Variants in MAGI2 observed in about 807,000 individuals in gnomAD.
The protein encoded by MAGI2 is membrane-associated guanylate kinase, WW and PDZ domain-containing protein 2.
A neutral mutation model predicts 133.3 loss-of-function variants in MAGI2; 35 were observed. The ratio of observed to expected loss-of-function variants is 0.26; its 90% CI spans 0.20 to 0.35. The LOEUF (loss-of-function observed/expected upper bound fraction) is 0.35, where lower values mean the gene tolerates loss of function less well. Ranked by LOEUF, MAGI2 falls within the 10% of genes least tolerant of loss-of-function variation. The probability of loss-of-function intolerance (pLI) is 1.00; values close to 1 mark genes in which losing one functional copy is unlikely to be tolerated. For missense variants in MAGI2, 1,636 were observed against 1,863.4 expected (o/e 0.88, Z 2.25); for synonymous variants, 729 against 710.6 (o/e 1.03, Z -0.41).
In MAGI2 at chr7:78,074,944, G is replaced by A. The variant is rs147677959; in HGVS notation, c.3706+4003C>T. ...GCTCTCCTTAGAAAGGCCAGCTTTC[G>A]AGGTTGGCCATTGGCTGGTGCCTGG... On this transcript the variant is annotated intron_variant, in intron 21 of 21. Coordinates refer to ENST00000354212, the MANE Select transcript of MAGI2 (RefSeq NM_012301.4). Among the ~76,000 whole-genome samples the A allele has an allele frequency of 2.0e-5, 3 of 152,304 alleles. No individual in the cohort carries two copies. The East Asian group carries it at 5.8e-4, about 29-fold the overall frequency.
At chr7:78,748,937 C>G (rs527350953) in intron 2 of MAGI2, among the ~76,000 whole-genome samples, 29 of 152,104 alleles carry the variant, frequency 1.9e-4, no homozygotes, top group Non-Finnish European at 2.4e-4. Flanking sequence ...TGCTATTATT[C>G]AACACATATT....
At position 78,019,942 on chromosome 7, in the gene MAGI2, G is replaced by A. The variant is rs1405669608; in HGVS notation, c.3741C>T (p.Ala1247=). 6.2e-7 allele frequency: 1 copy of A among 1,608,576 alleles called. No individual in the cohort carries two copies. Among genetic ancestry groups the A allele is most frequent in the Non-Finnish European group, 8.5e-7 (1 of 1,177,998 alleles). The change falls in exon 22 of 22, where the codon GCC becomes GCT. Residue 1247 remains alanine, a synonymous_variant. Transcript: ENST00000354212. ...CGCCTACTTCCGGCAGACCTGGGGC[G>A]GCGGCAGCGGGAGAACTCCAGGGGG... ...EPAPWSSPAA[A]APGLPEVGVS...
intron 21 of MAGI2, among the ~76,000 whole-genome samples, chr7:78,049,681 A>G (rs1811816900): frequency 6.6e-6 from 1 of 152,198 alleles, no homozygotes; most frequent in African/African-American, 2.4e-5. Context: ...GGTGGGATCT[A>G]TGTGAACTTG....
chr7:78,509,866 T>G (rs891860305), intron 4 of MAGI2, among the ~76,000 whole-genome samples: 1 of 152,208 alleles, frequency 6.6e-6, no homozygotes, highest in African/African-American at 2.4e-5. Flanking sequence ...TCTTTTGAAA[T>G]GAGGGAAAAT....
chr7:78,489,628 T>A, intron 6 of MAGI2, 133 bp downstream of exon 6: 4 of 730,474 alleles, frequency 5.5e-6, no homozygotes, highest in Non-Finnish European at 9.5e-6. Context: ...CTCTCTCTTA[T>A]CTGAGCATTA....
intron 1 of MAGI2, among the ~76,000 whole-genome samples, chr7:79,087,295 T>C (rs796164364): frequency 1.7e-4 from 26 of 151,968 alleles, no homozygotes; most frequent in African/African-American, 5.8e-4. Context: ...AAATGGAAGG[T>C]TGCTTTCCTT....
intron 21 of MAGI2, among the ~76,000 whole-genome samples, chr7:78,057,986 T>C: frequency 7.6e-6 from 1 of 131,270 alleles, no homozygotes. Context: ...TGTATATATA[T>C]ATATATATAT....
chr7:78,455,243 C>T (rs372074616), intron 6 of MAGI2, among the ~76,000 whole-genome samples: 2 of 152,244 alleles, frequency 1.3e-5, no homozygotes, highest in African/African-American at 4.8e-5. Context: ...TTCTATAAAA[C>T]AGTCTATGAA....
chr7:78,525,087 T>A (rs1796837143), intron 3 of MAGI2, among the ~76,000 whole-genome samples: 1 of 152,188 alleles, frequency 6.6e-6, no homozygotes, highest in Non-Finnish European at 1.5e-5. Flanking sequence ...TATTACTAAT[T>A]ATACCTATTG....
chr7:78,800,208 A>G lies in MAGI2; in HGVS notation c.419-172969T>C, dbSNP rs1263129857. Among the ~76,000 whole-genome samples the G allele has an allele frequency of 5.3e-5, 8 of 152,288 alleles. No homozygotes were observed. In the East Asian group the frequency reaches 1.5e-3, roughly 29 times the overall value. On this transcript the variant is annotated intron_variant, in intron 2 of 21. Coordinates refer to ENST00000354212, the MANE Select transcript of MAGI2 (RefSeq NM_012301.4). Reference sequence around the variant, plus strand: ...AATCAGTTATTGAATTGGTCCAGGTAGACTAACTTTTATAACAAACAACCC... The same window carrying G: ...AATCAGTTATTGAATTGGTCCAGGTGGACTAACTTTTATAACAAACAACCC...
chr7:79,213,204 GTATTTTTCTGTA>G (rs1585215443), intron 1 of MAGI2, among the ~76,000 whole-genome samples: 16 of 129,692 alleles, frequency 1.2e-4, no homozygotes, highest in South Asian at 5.1e-4. Flanking sequence ...AGATTTTTCT[GTATTTTTCTGTA>G]TATATATATG....
chr7:79,324,403 C>G, intron 1 of MAGI2, among the ~76,000 whole-genome samples: 1 of 140,948 alleles, frequency 7.1e-6, no homozygotes, highest in African/African-American at 2.6e-5. Flanking sequence ...TATATATATA[C>G]ACACAACGTA....
At chr7:78,563,217 AGG>A (rs1469046607) in intron 3 of MAGI2, among the ~76,000 whole-genome samples, 1 of 152,164 alleles carries the variant, frequency 6.6e-6, no homozygotes, top group Non-Finnish European at 1.5e-5. Context: ...ACAACTGAAA[AGG>A]TTTTATAATT....
At chr7:79,451,250 C>G (rs1297976928) in intron 1 of MAGI2, among the ~76,000 whole-genome samples, 1 of 152,154 alleles carries the variant, frequency 6.6e-6, no homozygotes, top group African/African-American at 2.4e-5. Context: ...TCCAATTTAA[C>G]AACGCTTAAC....
chr7:79,088,528 C>A (rs1220808296), intron 1 of MAGI2, among the ~76,000 whole-genome samples: 1 of 152,016 alleles, frequency 6.6e-6, no homozygotes, highest in African/African-American at 2.4e-5. Flanking sequence ...TTGCCCTGGC[C>A]AGAACGTCCA....
chr7:79,346,491 A>G (rs1375314171), intron 1 of MAGI2, among the ~76,000 whole-genome samples: 2 of 151,924 alleles, frequency 1.3e-5, no homozygotes, highest in African/African-American at 4.8e-5. Flanking sequence ...TACTGCCTCA[A>G]TCCTTTTCTA....
intron 4 of MAGI2, among the ~76,000 whole-genome samples, chr7:78,509,083 C>G (rs1212706399): frequency 6.6e-6 from 1 of 151,944 alleles, no homozygotes; most frequent in East Asian, 1.9e-4. Flanking sequence ...TTTGTGCATT[C>G]CCCATTGCGT....
intron 9 of MAGI2, among the ~76,000 whole-genome samples, chr7:78,260,920 C>T (rs1310404659): frequency 2.6e-5 from 4 of 152,018 alleles, no homozygotes. Flanking sequence ...GAATAGGATA[C>T]CTCATCATTT....
At chr7:78,808,355 C>G (rs749075998) in intron 2 of MAGI2, among the ~76,000 whole-genome samples, 9 of 152,122 alleles carry the variant, frequency 5.9e-5, no homozygotes, top group Non-Finnish European at 1.0e-4. Flanking sequence ...CTCCCAAGTT[C>G]AAGCAATTCT....
Sources: gnomAD v4.1 joint callset for allele counts (sites outside exome capture counted in the v4.1 genomes callset) on GRCh38, gnomAD v4.1.1 for gene constraint, MANE v1.5 for transcripts, NCBI Gene and HGNC (gene_info 2026-07-23, HGNC 2026-07-21) for gene names.